Variants in CGAS observed in about 807,000 individuals in gnomAD.
CGAS encodes the protein 2'3'-cGAMP synthase.
Under a neutral mutation model 34.0 loss-of-function variants are expected in CGAS, and 31 were observed. The observed-to-expected ratio is 0.91, with a 90% CI of 0.69 to 1.23. The LOEUF (loss-of-function observed/expected upper bound fraction) is 1.23, where lower values mean the gene tolerates loss of function less well. Ranked by LOEUF, CGAS falls within the 50% of genes most tolerant of loss-of-function variation. The pLI is 0.00. For synonymous variants in CGAS, 266 were observed against 260.0 expected (o/e 1.02, Z -0.22); for missense variants, 597 against 657.6 (o/e 0.91, Z 1.01).
chr6:73,426,851 T>C (rs1408629151), intron 4 of CGAS, among the ~76,000 whole-genome samples: 1 of 151,862 alleles, frequency 6.6e-6, no homozygotes, highest in African/African-American at 2.4e-5. Context: ...TTTTTTTTTT[T>C]CTTTTTCCTT....
chr6:73,433,683 C>T (rs529150237), intron 3 of CGAS, among the ~76,000 whole-genome samples: 2 of 151,426 alleles, frequency 1.3e-5, no homozygotes, highest in African/African-American at 4.8e-5. Flanking sequence ...GAAATGGGGT[C>T]TTACCATGTT....
At chr6:73,450,002 G>GAAGAAAGAAGA (rs1770535712) in intron 1 of CGAS, among the ~76,000 whole-genome samples, 1 of 143,392 alleles carries the variant, frequency 7.0e-6, no homozygotes, top group Non-Finnish European at 1.5e-5. Flanking sequence ...ATCAAAAAAA[G>GAAGAAAGAAGA]AAGAAAGAAG....
Position 73,425,496 on chromosome 6 carries a change from A to G in CGAS, c.1300T>C (p.Ser434Pro). Residue 434 changes from serine to proline, a missense_variant, in exon 5 of 5, where the codon TCT becomes CCT. Ser to Pro is a moderately conservative substitution (Grantham distance 74). Around this residue, in one of 3 missense-constraint regions of CGAS, gnomAD observed 271 missense variants for 324.1 expected, o/e 0.84. Transcript: ENST00000370315. ...AAGGCAGTTTTCACATGATAAGAAG[A>G]GAATTTATCCAGATGTTTTTTGTCT... ...FKDKKHLDKF[S>P]SYHVKTAFFH... is the part of the protein sequence containing the mutation. 1 of 1,613,748 alleles carries G rather than the reference A, an allele frequency of 6.2e-7. No homozygotes were observed. Among genetic ancestry groups the G allele is most frequent in the African/African-American group, 1.3e-5 (1 of 75,036 alleles).
rs943276786 is a variant in CGAS, at chr6:73,451,878, C to T, written c.304G>A (p.Ala102Thr). ...QPSDATSAPG[A>T]EGLEPPAARE... The stretch of plus-strand genomic sequence containing the variant: ...GCCGCAGGAGGCTCCAGCCCCTCTG[C>T]CCCAGGGGCGCTGGTGGCGTCAGAC... Residue 102 changes from alanine (A) to threonine (T), a missense_variant, in exon 1 of 5, where the codon GCA becomes ACA. Physicochemically the swap from Ala to Thr is moderately conservative, Grantham distance 58 (BLOSUM62 0). Coordinates refer to ENST00000370315, the MANE Select transcript of CGAS (RefSeq NM_138441.3). 1 of 1,540,022 alleles carries T rather than the reference C, an allele frequency of 6.5e-7. No homozygotes were observed. Among genetic ancestry groups the T allele is most frequent in the Non-Finnish European group, 8.8e-7 (1 of 1,140,306 alleles).
At position 73,451,626 on chromosome 6, in the gene CGAS, C is replaced by A. The variant is rs1160737827; in HGVS notation, c.556G>T (p.Val186Leu). The change falls in exon 1 of 5, where the codon GTG becomes TTG. Residue 186 changes from valine to leucine, a missense_variant. Val to Leu is a conservative substitution (Grantham distance 32). Around this residue, in one of 3 missense-constraint regions of CGAS, gnomAD observed 321 missense variants for 314.3 expected, o/e 1.02. Transcript: ENST00000370315. ...AGCAGGTGGTCCACAACCCCTTTCA[C>A]CATCCCCGCCGCCGTGGAGATATCA... ...RDDISTAAGM[V>L]KGVVDHLLLR... 6.2e-7 allele frequency: 1 copy of A among 1,614,060 alleles called. No individual in the cohort carries two copies. Among genetic ancestry groups the A allele is most frequent in the Non-Finnish European group, 8.5e-7 (1 of 1,180,054 alleles).
intron 4 of CGAS, among the ~76,000 whole-genome samples, chr6:73,428,173 G>A (rs114233546): frequency 0.034 from 5,150 of 149,838 alleles, 287 homozygotes; most frequent in African/African-American, 0.12. Flanking sequence ...GTGGTGAGCC[G>A]TAATTGTGCC....
chr6:73,430,639 TC>T (rs1380076072), intron 3 of CGAS, among the ~76,000 whole-genome samples: 6 of 148,006 alleles, frequency 4.1e-5, no homozygotes, highest in Non-Finnish European at 8.9e-5. Flanking sequence ...AGGCTCCATC[TC>T]AAAAAAGAAA....
At chr6:73,425,713 G>A (rs1021912560) in intron 4 of CGAS, 135 bp from the exon 5 acceptor site, 4 of 589,484 alleles carry the variant, frequency 6.8e-6, no homozygotes, top group Non-Finnish European at 1.1e-5. Flanking sequence ...GTGACACAAC[G>A]CCTGTAATCC....
chr6:73,451,422 T>A, intron 1 of CGAS, 103 bp downstream of exon 1: 1 of 1,267,116 alleles, frequency 7.9e-7, no homozygotes, highest in Admixed American at 2.8e-5. Flanking sequence ...AAGTCTAAGT[T>A]ACTTCCGAAG....
intron 2 of CGAS, among the ~76,000 whole-genome samples, chr6:73,442,967 C>A (rs775014250): frequency 6.6e-6 from 1 of 151,690 alleles, no homozygotes; most frequent in African/African-American, 2.4e-5. Context: ...TGGGCTCAAG[C>A]AATCCTTCTG....
chr6:73,433,032 C>G (rs12200686), intron 3 of CGAS, among the ~76,000 whole-genome samples: 1 of 151,844 alleles, frequency 6.6e-6, no homozygotes, highest in Non-Finnish European at 1.5e-5. Flanking sequence ...TGCAGTGAGC[C>G]GAGATCGCAC....
chr6:73,425,980 G>C (rs1770080042), intron 4 of CGAS, among the ~76,000 whole-genome samples: 1 of 142,164 alleles, frequency 7.0e-6, no homozygotes, highest in African/African-American at 2.6e-5. Context: ...GTCACACACA[G>C]AAAACAAAAA....
chr6:73,447,199 AC>A (rs538025579), intron 1 of CGAS, among the ~76,000 whole-genome samples: 33 of 152,348 alleles, frequency 2.2e-4, no homozygotes, highest in African/African-American at 7.7e-4. Flanking sequence ...CTTCAAATTT[AC>A]CCAGTTATGT....
chr6:73,447,066 T>C (rs1770485219), intron 1 of CGAS, among the ~76,000 whole-genome samples: 1 of 152,130 alleles, frequency 6.6e-6, no homozygotes, highest in Non-Finnish European at 1.5e-5. Context: ...AAAAAATAAA[T>C]GAATACATAT....
Position 73,424,144 on chromosome 6 carries a change from A to T in CGAS, c.*1083T>A, listed in dbSNP as rs2150807273. On this transcript the variant is annotated 3_prime_UTR_variant, in exon 5 of 5. Transcript: ENST00000370315. ...GTATCTTATGTTTTCTTTTAAGATT[A>T]TGTATTTCAGCCAGGCGTGGTGGCT... 6.6e-6 allele frequency: 1 copy of T among 152,294 alleles called. No homozygotes were observed. The highest frequency in any genetic ancestry group is 6.6e-5 in the Admixed American group (1 of 15,262). The allele number at this position is 152,294 out of a possible 1,614,324, so 9.4% of individuals were successfully genotyped here.
At chr6:73,436,685 G>T (rs1461010561) in intron 3 of CGAS, among the ~76,000 whole-genome samples, 1 of 145,448 alleles carries the variant, frequency 6.9e-6, no homozygotes, top group African/African-American at 2.5e-5. Context: ...ACCACACCTG[G>T]CTAATTTTTG....
At chr6:73,451,234 G>A (rs1770560062) in intron 1 of CGAS, among the ~76,000 whole-genome samples, 2 of 152,038 alleles carry the variant, frequency 1.3e-5, no homozygotes, top group South Asian at 2.1e-4. Context: ...GCCCTGTTAC[G>A]GAAACTCGAT....
chr6:73,430,031 T>C (rs895855437), intron 3 of CGAS, among the ~76,000 whole-genome samples: 1 of 151,738 alleles, frequency 6.6e-6, no homozygotes, highest in African/African-American at 2.4e-5. Flanking sequence ...AAAATGAAGC[T>C]CTTAAAATCC....
chr6:73,435,312 A>T (rs941473807), intron 3 of CGAS, among the ~76,000 whole-genome samples: 2 of 152,220 alleles, frequency 1.3e-5, no homozygotes, highest in African/African-American at 4.8e-5. Context: ...ACTTTTTGAG[A>T]TATCATTTTC....
Sources: allele counts gnomAD v4.1 joint callset (sites outside exome capture counted in the v4.1 genomes callset), GRCh38; gene constraint gnomAD v4.1.1; regional missense constraint gnomAD v4.1.1; transcripts MANE v1.5; gene names NCBI Gene and HGNC (gene_info 2026-07-23, HGNC 2026-07-21).